Variants in OR1J2 observed in about 807,000 individuals in gnomAD.
OR1J2 encodes the protein olfactory receptor family 1 subfamily J member 2.
For missense variants in OR1J2, 304 were observed against 246.1 expected (o/e 1.24, Z -1.57); for synonymous variants, 142 against 99.7 (o/e 1.42, Z -2.52).
chr9:122,521,169 A>G, the OR1J2 span, among the ~76,000 whole-genome samples: 1 of 152,342 alleles, frequency 6.6e-6, no homozygotes, highest in African/African-American at 2.4e-5. Flanking sequence ...GCAGTAATAA[A>G]TTGGGCTTAA....
chr9:122,575,987 T>C, the OR1J2 span, among the ~76,000 whole-genome samples: 1 of 152,194 alleles, frequency 6.6e-6, no homozygotes, highest in African/African-American at 2.4e-5. Context: ...GTGTGCAATA[T>C]TTTTATTTCT....
At chr9:122,533,655 A>G in the OR1J2 span, among the ~76,000 whole-genome samples, 14 of 152,244 alleles carry the variant, frequency 9.2e-5, no homozygotes, top group South Asian at 2.7e-3. Flanking sequence ...AGAGTGCATA[A>G]AAGAATGTTT....
chr9:122,495,450 G>T, the OR1J2 span, among the ~76,000 whole-genome samples: 1 of 152,048 alleles, frequency 6.6e-6, no homozygotes, highest in Admixed American at 6.5e-5. Context: ...GAGCCCTGAA[G>T]TTCTTTCTTC....
the OR1J2 span, among the ~76,000 whole-genome samples, chr9:122,536,859 GTTGGT>G: frequency 6.6e-6 from 1 of 152,182 alleles, no homozygotes; most frequent in Admixed American, 6.5e-5. Flanking sequence ...TCAAAGATCA[GTTGGT>G]TGTTAAGTAT....
chr9:122,503,185 A>T, the OR1J2 span, among the ~76,000 whole-genome samples: 24 of 152,322 alleles, frequency 1.6e-4, no homozygotes, highest in African/African-American at 5.3e-4. Flanking sequence ...GATAAATGAG[A>T]TCTTGAATAG....
the OR1J2 span, chr9:122,475,742 C>T: frequency 1.3e-5 from 2 of 152,216 alleles, no homozygotes; most frequent in African/African-American, 2.4e-5. Flanking sequence ...ACACACACTA[C>T]TCCCTCTTCC....
At chr9:122,543,255 A>T in the OR1J2 span, among the ~76,000 whole-genome samples, 1 of 151,746 alleles carries the variant, frequency 6.6e-6, no homozygotes. Context: ...GCTGGAGTGC[A>T]GTGGTGCAAT....
At chr9:122,513,356 A>T (rs1392098078), downstream of OR1J2, among the ~76,000 whole-genome samples, 1 of 152,196 alleles carries the variant, frequency 6.6e-6, no homozygotes, top group Non-Finnish European at 1.5e-5. Flanking sequence ...AAGGAGTTTG[A>T]TATTTGATCT....
the OR1J2 span, among the ~76,000 whole-genome samples, chr9:122,549,495 G>A: frequency 1.6e-4 from 25 of 152,112 alleles, no homozygotes; most frequent in Admixed American, 1.4e-3. Context: ...ATAGTTTCAG[G>A]TCTTACAGTT....
At chr9:122,477,114 G>A in the OR1J2 span, 1 of 1,613,856 alleles carries the variant, frequency 6.2e-7, no homozygotes, top group Non-Finnish European at 8.5e-7. Flanking sequence ...AAGCAATTAT[G>A]TTCTTGTCAT....
At chr9:122,525,856 C>T in the OR1J2 span, among the ~76,000 whole-genome samples, 20 of 152,144 alleles carry the variant, frequency 1.3e-4, no homozygotes, top group Non-Finnish European at 2.8e-4. Flanking sequence ...TTGTCTTACT[C>T]CCCACTTAAT....
upstream of OR1J2, among the ~76,000 whole-genome samples, chr9:122,508,018 T>C (rs1054678745): frequency 6.6e-5 from 10 of 151,960 alleles, 1 homozygote; most frequent in Non-Finnish European, 1.3e-4. Flanking sequence ...AGTTTTATGA[T>C]GACCAAGCCT....
chr9:122,570,827 T>G, the OR1J2 span, among the ~76,000 whole-genome samples: 1 of 152,130 alleles, frequency 6.6e-6, no homozygotes, highest in East Asian at 1.9e-4. Flanking sequence ...TAACAAATAT[T>G]TATTGAAAAT....
the OR1J2 span, chr9:122,477,094 T>C: frequency 6.2e-7 from 1 of 1,613,428 alleles, no homozygotes; most frequent in South Asian, 1.1e-5. Context: ...GACTGCTGTG[T>C]ATATCACTGA....
At chr9:122,451,672 C>A in the OR1J2 span, among the ~76,000 whole-genome samples, 1 of 152,108 alleles carries the variant, frequency 6.6e-6, no homozygotes, top group East Asian at 1.9e-4. Flanking sequence ...TATAAAGTAG[C>A]CTACAAATTC....
At chr9:122,477,499 A>G in the OR1J2 span, 2 of 1,614,188 alleles carry the variant, frequency 1.2e-6, no homozygotes, top group African/African-American at 1.3e-5. Flanking sequence ...AGCCACCAGC[A>G]TGACACACTG....
At chr9:122,527,314 T>G in the OR1J2 span, 1 of 1,506,368 alleles carries the variant, frequency 6.6e-7, no homozygotes, top group Non-Finnish European at 9.1e-7. Flanking sequence ...CATCTGGAGC[T>G]GAGGGAAGAC....
chr9:122,492,102 AC>A, the OR1J2 span, among the ~76,000 whole-genome samples: 1 of 152,096 alleles, frequency 6.6e-6, no homozygotes, highest in African/African-American at 2.4e-5. Context: ...TTATCCCATC[AC>A]CCAGGTACTG....
the OR1J2 span, among the ~76,000 whole-genome samples, chr9:122,554,517 G>C: frequency 1.3e-5 from 2 of 152,190 alleles, no homozygotes; most frequent in African/African-American, 4.8e-5. Flanking sequence ...TGAGGTGAAG[G>C]AAGGAGAATA....
Sources: allele counts gnomAD v4.1 joint callset (sites outside exome capture counted in the v4.1 genomes callset), GRCh38; gene constraint gnomAD v4.1.1; transcripts MANE v1.5; gene names NCBI Gene and HGNC (gene_info 2026-07-23, HGNC 2026-07-21).